Variants in FBXL16 observed in about 807,000 individuals in gnomAD.
FBXL16 encodes F-box/LRR-repeat protein 16.
A neutral mutation model predicts 36.7 loss-of-function variants in FBXL16; 7 were observed. That is an observed-to-expected ratio of 0.19 (90% confidence interval 0.11 to 0.36). The LOEUF is 0.36. Ranked by LOEUF, FBXL16 falls within the 10% of genes least tolerant of loss-of-function variation. FBXL16 has a pLI of 1.00. For missense variants in FBXL16, 463 were observed against 659.4 expected (o/e 0.70, Z 3.26); for synonymous variants, 355 against 308.7 (o/e 1.15, Z -1.57).
chr16:697,493 T>TG lies in FBXL16; in HGVS notation c.-14-75dup. ...AGGCCGGGGTTGGGGGCGGGTGCAG[T>TG]GGGGCTCCTTCCCTCCTTGGGCGTC... On this transcript the variant is annotated intron_variant, in intron 1 of 5. Coordinates refer to ENST00000397621, the MANE Select transcript of FBXL16 (RefSeq NM_153350.4). The surrounding 1 kb of genome is among the most constrained non-coding windows in gnomAD (Gnocchi z 4.6). The TG allele has an allele frequency of 6.9e-7, 1 of 1,454,368 alleles. No individual in the cohort carries two copies. Among genetic ancestry groups the TG allele is most frequent in the Non-Finnish European group, 9.1e-7 (1 of 1,103,508 alleles). The allele number at this position is 1,454,368 out of a possible 1,614,324, so 90.1% of individuals were successfully genotyped here.
intron 1 of FBXL16, among the ~76,000 whole-genome samples, chr16:703,642 C>T (rs571521069): frequency 2.0e-5 from 3 of 152,246 alleles, no homozygotes; most frequent in African/African-American, 4.8e-5. Context: ...GCACGTGGCA[C>T]AGCGGCAGAG....
intron 1 of FBXL16, among the ~76,000 whole-genome samples, chr16:698,077 C>T (rs2040028368): frequency 6.6e-6 from 1 of 152,148 alleles, no homozygotes; most frequent in Non-Finnish European, 1.5e-5. Context: ...TCTTGGCTCC[C>T]CGCAACCTCT....
rs1355636657 is a variant in FBXL16, at chr16:697,685, T to C, written c.-14-266A>G. On this transcript the variant is annotated intron_variant, in intron 1 of 5. Coordinates refer to ENST00000397621, the MANE Select transcript of FBXL16 (RefSeq NM_153350.4). The surrounding 1 kb of genome is among the most constrained non-coding windows in gnomAD (Gnocchi z 4.6). ...TCATTGCCCATGGACACCCTCTTTT[T>C]CTTTTGTTTTTTTTCTTTTTGAAAC... Among the ~76,000 whole-genome samples, 5 of 152,106 alleles carry C rather than the reference T, an allele frequency of 3.3e-5. No individual in the cohort carries two copies. Among genetic ancestry groups the C allele is most frequent in the African/African-American group, 1.2e-4 (5 of 41,438 alleles).
In FBXL16 at chr16:694,311, G is replaced by C; in HGVS notation, c.1404C>G (p.Phe468Leu). ...PGATPELFKY[F>L]SQHLPRCLVI... Reference sequence around the variant, plus strand: ...CGAGGCAGCGGGGCAGGTGCTGCGAGAAATACTTGAAGAGCTCGGGGGTGG... The same window carrying C: ...CGAGGCAGCGGGGCAGGTGCTGCGACAAATACTTGAAGAGCTCGGGGGTGG... The change falls in exon 6 of 6, where the codon TTC becomes TTG. Residue 468 changes from phenylalanine to leucine, a missense_variant. Phe to Leu is a conservative substitution (Grantham distance 22). Around this residue, in one of 3 missense-constraint regions of FBXL16, gnomAD observed 134 missense variants for 172.0 expected, o/e 0.78. Coordinates refer to ENST00000397621, the MANE Select transcript of FBXL16 (RefSeq NM_153350.4). The C allele has an allele frequency of 6.8e-7, 1 of 1,472,246 alleles. No homozygotes were observed. The highest frequency in any genetic ancestry group is 9.0e-7 in the Non-Finnish European group (1 of 1,113,138). The allele number at this position is 1,472,246 out of a possible 1,614,324, so 91.2% of individuals were successfully genotyped here. A position where few individuals can be genotyped will look rare whatever the true frequency, so the allele number is the denominator to read the frequency against.
chr16:700,297 C>G (rs1302468103), intron 1 of FBXL16, among the ~76,000 whole-genome samples: 1 of 152,214 alleles, frequency 6.6e-6, no homozygotes, highest in Admixed American at 6.5e-5. Flanking sequence ...ACCATCTCCC[C>G]CTCCCCAGAG....
intron 1 of FBXL16, among the ~76,000 whole-genome samples, chr16:705,159 G>T (rs906796042): frequency 6.6e-6 from 1 of 152,136 alleles, no homozygotes; most frequent in African/African-American, 2.4e-5. Flanking sequence ...CTGTCACTTC[G>T]GTCCGGGGGC....
intron 1 of FBXL16, among the ~76,000 whole-genome samples, chr16:699,497 C>T (rs890270756): frequency 6.6e-6 from 1 of 152,224 alleles, no homozygotes; most frequent in Non-Finnish European, 1.5e-5. Flanking sequence ...TGGCAAGCCA[C>T]TTCCCTTCTC....
intron 1 of FBXL16, among the ~76,000 whole-genome samples, chr16:699,591 G>T (rs1390433375): frequency 6.6e-6 from 1 of 152,212 alleles, no homozygotes; most frequent in East Asian, 1.9e-4. Context: ...CGAGCTCAGT[G>T]CGTGGCTCAT....
chr16:702,391 G>T (rs765590240), intron 1 of FBXL16, among the ~76,000 whole-genome samples: 45 of 152,292 alleles, frequency 3.0e-4, no homozygotes, highest in Non-Finnish European at 1.3e-4. Flanking sequence ...TTGAGAAAGC[G>T]TCTCCAGGGT....
intron 1 of FBXL16, among the ~76,000 whole-genome samples, chr16:701,039 T>G (rs1429209574): frequency 6.6e-6 from 1 of 152,140 alleles, no homozygotes; most frequent in African/African-American, 2.4e-5. Context: ...CTCCCAGTCA[T>G]GGGCCTGCAC....
rs1017834035 is a variant in FBXL16 at position 694,116 on chromosome 16, G to A, written c.*159C>T. On this transcript the variant is annotated 3_prime_UTR_variant, in exon 6 of 6. Transcript: ENST00000397621. ...GGCTGGGAGGGCGGAGGGACCGAAG[G>A]TCGGGGAGGGGCTTTCCCTCGGCTC... 7.7e-6 allele frequency: 3 copies of A among 390,826 alleles called. No homozygotes were observed. The highest frequency in any genetic ancestry group is 4.3e-5 in the African/African-American group (2 of 46,890). The allele number at this position is 390,826 out of a possible 1,614,324, so 24.2% of individuals were successfully genotyped here. A position where few individuals can be genotyped will look rare whatever the true frequency, so the allele number is the denominator to read the frequency against.
At chr16:695,108 CA>C in intron 3 of FBXL16, 32 bp from the exon 4 acceptor site, 2 of 1,587,014 alleles carry the variant, frequency 1.3e-6, no homozygotes, top group East Asian at 2.3e-5. Context: ...CCCCCACCTT[CA>C]AATCACCTGG....
In FBXL16 at chr16:696,916, C is replaced by T; in HGVS notation, c.490G>A (p.Ala164Thr). The change falls in exon 2 of 6, where the codon GCC becomes ACC. Residue 164 changes from alanine to threonine, a missense_variant. By Grantham distance (58) the Ala-to-Thr change is moderately conservative. Around this residue, in one of 3 missense-constraint regions of FBXL16, gnomAD observed 263 missense variants for 341.1 expected, o/e 0.77. Transcript: ENST00000397621. ...CAGAAGCCCTCGAAGCCTCTGGCGG[C>T]AAAACCCTGCAGGTTCACGAACTCC... ...EKEFVNLQGF[A>T]ARGFEGFCLV... is the part of the protein sequence containing the mutation. The T allele has an allele frequency of 6.2e-7, 1 of 1,608,378 alleles. No individual in the cohort carries two copies. Among genetic ancestry groups the T allele is most frequent in the South Asian group, 1.1e-5 (1 of 90,290 alleles).
At chr16:704,636 C>T (rs982531860) in intron 1 of FBXL16, among the ~76,000 whole-genome samples, 2 of 152,228 alleles carry the variant, frequency 1.3e-5, no homozygotes, top group African/African-American at 4.8e-5. Context: ...AGGGGGTGGG[C>T]TGGGAGACGG....
rs755602861 is a variant in FBXL16 at position 695,595 on chromosome 16, T to C, written c.962A>G (p.Asn321Ser). ...GCCCGAGAGGCTGAGCGCGGTGAGG[T>C]TGGGCAGGCTGTGCACCACGTTGAC... is the stretch of plus-strand genomic sequence containing the variant. ...GVVNVVHSLP[N>S]LTALSLSGCS... Residue 321 changes from asparagine to serine, a missense_variant, in exon 3 of 6, where the codon AAC (asparagine) becomes AGC (serine). Asn to Ser is a conservative substitution (Grantham distance 46, BLOSUM62 1). This residue lies in a region of FBXL16 where 66 missense variants were observed against 146.3 expected (regional missense o/e 0.45). Transcript: ENST00000397621. The C allele has an allele frequency of 4.4e-6, 7 of 1,606,310 alleles. No individual in the cohort carries two copies. Among genetic ancestry groups the C allele is most frequent in the East Asian group, 2.2e-5 (1 of 44,776 alleles).
At chr16:701,222 C>T (rs1472597333) in intron 1 of FBXL16, among the ~76,000 whole-genome samples, 1 of 152,144 alleles carries the variant, frequency 6.6e-6, no homozygotes, top group Non-Finnish European at 1.5e-5. Context: ...GGCTGAGGAG[C>T]GGCCGTCTGG....
Position 705,527 on chromosome 16 carries a change from T to C in FBXL16, c.-30A>G, listed in dbSNP as rs1226867335. The C allele has an allele frequency of 1.4e-5, 2 of 146,558 alleles. No homozygotes were observed. Among genetic ancestry groups the C allele is most frequent in the East Asian group, 4.1e-4 (2 of 4,858 alleles). 9.1% of individuals were successfully genotyped at this position (146,558 alleles called of 1,614,324 possible). A position where few individuals can be genotyped will look rare whatever the true frequency, so the allele number is the denominator to read the frequency against. On this transcript the variant is annotated 5_prime_UTR_variant, in exon 1 of 6. Transcript: ENST00000397621. ...CGCACCTTACCTCGGCCCGGGCTCCTGGCTCATGCCACGCTGTCCGCCGGG... is the reference window on the plus strand; with the variant it reads ...CGCACCTTACCTCGGCCCGGGCTCCCGGCTCATGCCACGCTGTCCGCCGGG...
chr16:695,468 C>A lies in FBXL16; in HGVS notation c.1089G>T (p.Ala363=). 6.4e-7 allele frequency: 1 copy of A among 1,573,972 alleles called. No homozygotes were observed. The highest frequency in any genetic ancestry group is 8.6e-7 in the Non-Finnish European group (1 of 1,167,188). Residue 363 remains alanine (A), a synonymous_variant, in exon 3 of 6, where the codon GCG becomes GCT. Transcript: ENST00000397621. ...LSWCPRITDM[A]LEYVACDLHR... is the part of the protein sequence containing the mutation. ...GCAGGTCGCAGGCCACGTACTCCAG[C>A]GCCATGTCGGTGATGCGTGGGCACC...
chr16:700,038 A>AGGGGAGGC (rs1377042941), intron 1 of FBXL16, among the ~76,000 whole-genome samples: 2 of 151,240 alleles, frequency 1.3e-5, no homozygotes, highest in Non-Finnish European at 3.0e-5. Flanking sequence ...GTCAGGGGGG[A>AGGGGAGGC]GGGGAGGCAG....
Sources: allele counts gnomAD v4.1 joint callset (sites outside exome capture counted in the v4.1 genomes callset), GRCh38; gene constraint gnomAD v4.1.1; regional missense constraint gnomAD v4.1.1; non-coding constraint Gnocchi (gnomAD v3.1); transcripts MANE v1.5; gene names NCBI Gene and HGNC (gene_info 2026-07-23, HGNC 2026-07-21).